Variants in FAT3 observed in about 807,000 individuals in gnomAD.
The protein encoded by FAT3 is protocadherin Fat 3.
In FAT3, 95 loss-of-function variants were observed where a neutral mutation model predicts 310.2. The ratio of observed to expected loss-of-function variants is 0.31; its 90% CI spans 0.26 to 0.36. The LOEUF (loss-of-function observed/expected upper bound fraction) is 0.36. FAT3 is among the 10% of genes least tolerant of loss of function. FAT3 has a pLI of 1.00. For missense variants in FAT3, 5,408 were observed against 5,715.6 expected, an observed-to-expected ratio of 0.95 and a Z score of 1.74; for synonymous variants, 2,314 against 2,192.9, an observed-to-expected ratio of 1.06 and a Z score of -1.54.
intron 11 of FAT3, 138 bp downstream of exon 11, chr11:92,805,487 T>C: frequency 1.2e-6 from 1 of 816,892 alleles, no homozygotes; most frequent in Non-Finnish European, 1.8e-6. Flanking sequence ...GGGTAGGAGG[T>C]GAAGTTTAGG....
At chr11:92,822,401 T>C (rs1947991050) in intron 13 of FAT3, among the ~76,000 whole-genome samples, 1 of 151,886 alleles carries the variant, frequency 6.6e-6, no homozygotes, top group Non-Finnish European at 1.5e-5. Flanking sequence ...TTTAAGGCAG[T>C]ACTAATATAG....
At chr11:92,420,323 A>T (rs992369533) in intron 2 of FAT3, among the ~76,000 whole-genome samples, 1 of 152,218 alleles carries the variant, frequency 6.6e-6, no homozygotes. Flanking sequence ...AAGTCCATAC[A>T]TCATGGTTTC....
At chr11:92,403,200 A>T (rs1485123152) in intron 2 of FAT3, 1 of 152,218 alleles carries the variant, frequency 6.6e-6, no homozygotes, top group Non-Finnish European at 1.5e-5. Flanking sequence ...AATGTCAACA[A>T]GAAGAAAAAG....
intron 24 of FAT3, among the ~76,000 whole-genome samples, chr11:92,886,651 A>G (rs907457249): frequency 6.6e-6 from 1 of 152,214 alleles, no homozygotes; most frequent in Non-Finnish European, 1.5e-5. Flanking sequence ...GTTCATGTAA[A>G]TGATGTAAAT....
chr11:92,383,740 G>A (rs1949556130), intron 2 of FAT3, among the ~76,000 whole-genome samples: 1 of 152,160 alleles, frequency 6.6e-6, no homozygotes, highest in African/African-American at 2.4e-5. Flanking sequence ...GAGAGATTTT[G>A]TCAAATGCCT....
At chr11:92,574,794 G>A (rs1047183386) in intron 3 of FAT3, among the ~76,000 whole-genome samples, 1 of 152,122 alleles carries the variant, frequency 6.6e-6, no homozygotes, top group Admixed American at 6.5e-5. Context: ...CTGCACTGCA[G>A]GCACTGTACC....
intron 13 of FAT3, among the ~76,000 whole-genome samples, chr11:92,823,469 C>G (rs1483273704): frequency 6.6e-6 from 1 of 152,152 alleles, no homozygotes; most frequent in Non-Finnish European, 1.5e-5. Context: ...AAACAGAACT[C>G]CTTGCTTAGA....
chr11:92,780,325 G>T (rs1690583207), intron 7 of FAT3, among the ~76,000 whole-genome samples: 1 of 151,898 alleles, frequency 6.6e-6, no homozygotes, highest in Admixed American at 6.6e-5. Context: ...ACCACACCCA[G>T]ATAATTTTTG....
rs1947075930 is a variant in FAT3, at chr11:92,792,997, A to C, written c.4822+20A>C. 1.2e-6 allele frequency: 2 copies of C among 1,610,636 alleles called. No individual in the cohort carries two copies. Among genetic ancestry groups the C allele is most frequent in the Admixed American group, 1.7e-5 (1 of 59,728 alleles). On this transcript the variant is annotated intron_variant, in intron 9 of 27. Coordinates refer to ENST00000525166, the MANE Select transcript of FAT3 (RefSeq NM_001367949.2). Reference sequence around the variant, plus strand: ...AAGCAGGTGAGAGCTGTTGCACTGCACAGATTTCAGCATAATGCAAGGCAT... The same window carrying C: ...AAGCAGGTGAGAGCTGTTGCACTGCCCAGATTTCAGCATAATGCAAGGCAT...
chr11:92,809,534 G>A (rs145862859), intron 12 of FAT3, among the ~76,000 whole-genome samples: 478 of 152,228 alleles, frequency 3.1e-3, no homozygotes, highest in African/African-American at 0.01. Context: ...TAGATCTTGA[G>A]AGGTTTAAAG....
Position 92,789,270 on chromosome 11 carries a change from A to G in FAT3, c.4336-673A>G, listed in dbSNP as rs375842283. ...GGGAGTTTGATGAAACCAGATTAGC[A>G]ATTGATTATTATTAAAGCTGAGTGA... On this transcript the variant is annotated intron_variant, in intron 7 of 27. Coordinates refer to ENST00000525166, the MANE Select transcript of FAT3 (RefSeq NM_001367949.2). Among the ~76,000 whole-genome samples, 8 of 152,320 alleles carry G rather than the reference A, an allele frequency of 5.3e-5. No homozygotes were observed. The East Asian group carries it at 9.6e-4, about 18-fold the overall frequency.
At chr11:92,341,371 T>C (rs1321720013) in intron 1 of FAT3, among the ~76,000 whole-genome samples, 2 of 152,112 alleles carry the variant, frequency 1.3e-5, no homozygotes, top group African/African-American at 2.4e-5. Context: ...CCTGTGGTCA[T>C]TGAAGGGGTG....
rs760193017 is a variant in FAT3 at position 92,354,451 on chromosome 11, CTG to C, written c.2340_2341del (p.Gly781AlafsTer3). 1 of 1,613,826 alleles carries C rather than the reference CTG, an allele frequency of 6.2e-7. No individual in the cohort carries two copies. The highest frequency in any genetic ancestry group is 8.5e-7 in the Non-Finnish European group (1 of 1,179,856). On this transcript the variant is annotated frameshift_variant, in exon 2 of 28. Coordinates refer to ENST00000525166, the MANE Select transcript of FAT3 (RefSeq NM_001367949.2). LOFTEE classifies it high-confidence loss of function. Reference sequence around the variant, plus strand: ...AGTTGCTTTAATATTGATATGGAGACTGGGCAGCTTAAAGTCCTTATGCCCAT... The same window carrying C: ...AGTTGCTTTAATATTGATATGGAGACGGCAGCTTAAAGTCCTTATGCCCAT...
chr11:92,423,876 C>T (rs1213775287), intron 2 of FAT3, among the ~76,000 whole-genome samples: 4 of 152,112 alleles, frequency 2.6e-5, no homozygotes, highest in Non-Finnish European at 4.4e-5. Context: ...TTTTGAAAAA[C>T]AATCTGCTTT....
In FAT3 at chr11:92,894,183, C is replaced by T. The variant is rs1443350258; in HGVS notation, c.*3070C>T. ...ATGATCTTATGTTTCCTTGCAGTCC[C>T]CCTAGGGAGAGGGGTTATAGAATTC... On this transcript the variant is annotated 3_prime_UTR_variant, in exon 28 of 28. Transcript: ENST00000525166. The T allele has an allele frequency of 6.6e-6, 1 of 152,166 alleles. No homozygotes were observed. Among genetic ancestry groups the T allele is most frequent in the Non-Finnish European group, 1.5e-5 (1 of 68,026 alleles). 9.4% of individuals were successfully genotyped at this position (152,166 alleles called of 1,614,324 possible). A position where few individuals can be genotyped will look rare whatever the true frequency, so the allele number is the denominator to read the frequency against.
chr11:92,523,508 T>C (rs1169393816), intron 2 of FAT3, among the ~76,000 whole-genome samples: 1 of 152,210 alleles, frequency 6.6e-6, no homozygotes, highest in Non-Finnish European at 1.5e-5. Context: ...CCCGTTGCTG[T>C]ACTTGGCAGT....
At chr11:92,690,024 G>A (rs1436420251) in intron 3 of FAT3, among the ~76,000 whole-genome samples, 3 of 152,214 alleles carry the variant, frequency 2.0e-5, no homozygotes, top group Non-Finnish European at 4.4e-5. Flanking sequence ...AACTAGGCCT[G>A]AAGGGAAGTT....
chr11:92,811,146 T>G (rs1947660552), intron 13 of FAT3, among the ~76,000 whole-genome samples: 1 of 152,160 alleles, frequency 6.6e-6, no homozygotes, highest in Non-Finnish European at 1.5e-5. Flanking sequence ...ATTAAAGAGC[T>G]TTGTGAAAAA....
chr11:92,511,627 C>G (rs1953293937), intron 2 of FAT3, among the ~76,000 whole-genome samples: 1 of 152,102 alleles, frequency 6.6e-6, no homozygotes, highest in South Asian at 2.1e-4. Context: ...AGATAAAAGG[C>G]AGGAGGGGTC....
Sources: gnomAD v4.1 joint callset for allele counts (sites outside exome capture counted in the v4.1 genomes callset) on GRCh38, gnomAD v4.1.1 for gene constraint, MANE v1.5 for transcripts, NCBI Gene and HGNC (gene_info 2026-07-23, HGNC 2026-07-21) for gene names.